Variants in MBNL1 observed in about 807,000 individuals in gnomAD.
The protein encoded by MBNL1 is muscleblind-like protein 1.
A neutral mutation model predicts 42.2 loss-of-function variants in MBNL1; 8 were observed. The observed-to-expected ratio is 0.19, with a 90% CI of 0.11 to 0.34. The LOEUF (loss-of-function observed/expected upper bound fraction) is 0.34, where lower values mean the gene tolerates loss of function less well. Among genes scored for constraint, MBNL1 ranks in the 10% least tolerant of loss-of-function variants. MBNL1 has a pLI of 1.00. For missense variants in MBNL1, 309 were observed against 495.3 expected (o/e 0.62, Z 3.57); for synonymous variants, 169 against 173.9 (o/e 0.97, Z 0.22).
intron 2 of MBNL1, among the ~76,000 whole-genome samples, chr3:152,379,032 T>C (rs189554394): frequency 6.6e-6 from 1 of 152,292 alleles, no homozygotes; most frequent in African/African-American, 2.4e-5. Context: ...TTAAAATGTA[T>C]GTTTGTAGTA....
At position 152,447,680 on chromosome 3, in the gene MBNL1, G is replaced by A. The variant is rs1712869168; in HGVS notation, c.868G>A (p.Gly290Ser). ...PKRPALEKTN[G>S]ATAVFNTGIF... Reference sequence around the variant, plus strand: ...GAGGCCTGCTCTTGAAAAAACCAACGGTGCCACCGCAGTCTTTAACACTGG... The same window carrying A: ...GAGGCCTGCTCTTGAAAAAACCAACAGTGCCACCGCAGTCTTTAACACTGG... The change falls in exon 6 of 10, where the codon GGT becomes AGT. Residue 290 changes from glycine (G) to serine (S), a missense_variant. By Grantham distance (56) the Gly-to-Ser change is moderately conservative (BLOSUM62 0). Coordinates refer to ENST00000324210, the MANE Select transcript of MBNL1 (RefSeq NM_021038.5). 3.1e-6 allele frequency: 5 copies of A among 1,613,096 alleles called. No individual in the cohort carries two copies. Among genetic ancestry groups the A allele is most frequent in the Non-Finnish European group, 3.4e-6 (4 of 1,179,394 alleles).
intron 2 of MBNL1, among the ~76,000 whole-genome samples, chr3:152,332,689 G>GTT (rs1156405828): frequency 5.7e-5 from 7 of 122,298 alleles, no homozygotes; most frequent in South Asian, 2.9e-4. Flanking sequence ...AGTTTTCATG[G>GTT]TTTTGTGTGT....
intron 2 of MBNL1, among the ~76,000 whole-genome samples, chr3:152,310,164 A>T (rs1265717380): frequency 2.0e-5 from 3 of 152,232 alleles, no homozygotes; most frequent in Non-Finnish European, 4.4e-5. Context: ...AGTCAGAATG[A>T]GTACACCACT....
intron 2 of MBNL1, among the ~76,000 whole-genome samples, chr3:152,306,609 G>GTTTGT (rs1296929219): frequency 1.3e-5 from 2 of 152,000 alleles, no homozygotes; most frequent in Admixed American, 1.3e-4. Flanking sequence ...TTGTATGTTT[G>GTTTGT]TTTGTTTTGT....
intron 1 of MBNL1, among the ~76,000 whole-genome samples, chr3:152,271,815 A>C (rs1015354135): frequency 6.6e-6 from 1 of 152,162 alleles, no homozygotes; most frequent in African/African-American, 2.4e-5. Flanking sequence ...GGAAATCTAG[A>C]ATGTGCTGTC....
chr3:152,310,143 G>A (rs958835234), intron 2 of MBNL1, among the ~76,000 whole-genome samples: 7 of 152,150 alleles, frequency 4.6e-5, no homozygotes, highest in South Asian at 4.1e-4. Flanking sequence ...AAGACTATAC[G>A]TGCTTGTATT....
chr3:152,376,781 T>TATGC (rs1553883801), intron 2 of MBNL1, among the ~76,000 whole-genome samples: 11 of 151,990 alleles, frequency 7.2e-5, no homozygotes, highest in Admixed American at 2.0e-4. Flanking sequence ...TCTATATATA[T>TATGC]ACGCACACAC....
At chr3:152,377,869 CTA>C (rs560991370) in intron 2 of MBNL1, among the ~76,000 whole-genome samples, 151 of 152,292 alleles carry the variant, frequency 9.9e-4, no homozygotes, top group African/African-American at 3.6e-3. Flanking sequence ...TTCTTGGAAA[CTA>C]TGACTTGACA....
rs1420398540 is a variant in MBNL1 at position 152,464,236 on chromosome 3, C to T, written c.*1870C>T. 1 of 151,584 alleles carries T rather than the reference C, an allele frequency of 6.6e-6. No individual in the cohort carries two copies. Among genetic ancestry groups the T allele is most frequent in the Non-Finnish European group, 1.5e-5 (1 of 67,734 alleles). 9.4% of individuals were successfully genotyped at this position (151,584 alleles called of 1,614,324 possible). On this transcript the variant is annotated 3_prime_UTR_variant, in exon 10 of 10. Transcript: ENST00000324210. ...TTTTACCAATGAATTTTTCAAAATA[C>T]AAAAAAAAGTAGTTTTTCCTTCATA...
chr3:152,303,898 A>G (rs1430316831), intron 2 of MBNL1, among the ~76,000 whole-genome samples: 1 of 152,166 alleles, frequency 6.6e-6, no homozygotes, highest in East Asian at 1.9e-4. Flanking sequence ...TTACCTTTGA[A>G]AACTTTAGTC....
intron 2 of MBNL1, among the ~76,000 whole-genome samples, chr3:152,381,579 C>A (rs924211622): frequency 6.6e-6 from 1 of 151,786 alleles, no homozygotes; most frequent in African/African-American, 2.4e-5. Context: ...TTAAAAAACT[C>A]ATTTTGGTAA....
At chr3:152,381,585 G>T (rs2097182432) in intron 2 of MBNL1, among the ~76,000 whole-genome samples, 2 of 151,338 alleles carry the variant, frequency 1.3e-5, no homozygotes, top group African/African-American at 2.4e-5. Flanking sequence ...AACTCATTTT[G>T]GTAATTATCT....
intron 2 of MBNL1, among the ~76,000 whole-genome samples, chr3:152,320,444 G>A (rs926457847): frequency 2.8e-4 from 42 of 152,204 alleles, no homozygotes; most frequent in African/African-American, 7.7e-4. Context: ...CAGCACATGG[G>A]GACCTAGTCA....
At chr3:152,410,542 G>A (rs1376306858) in intron 2 of MBNL1, among the ~76,000 whole-genome samples, 1 of 152,124 alleles carries the variant, frequency 6.6e-6, no homozygotes, top group Non-Finnish European at 1.5e-5. Flanking sequence ...GATGTCTTTG[G>A]AATCTTTGTT....
intron 3 of MBNL1, among the ~76,000 whole-genome samples, chr3:152,420,176 C>T (rs550208492): frequency 7.9e-4 from 120 of 152,284 alleles, no homozygotes; most frequent in African/African-American, 2.8e-3. Context: ...CGGCTGTGGG[C>T]GCAGCTTCAG....
chr3:152,344,739 GAA>G (rs1184151270), intron 2 of MBNL1, among the ~76,000 whole-genome samples: 1 of 152,134 alleles, frequency 6.6e-6, no homozygotes, highest in Non-Finnish European at 1.5e-5. Context: ...AATGTAGAGA[GAA>G]ATTATCACTT....
At chr3:152,370,278 G>A (rs1420057362) in intron 2 of MBNL1, among the ~76,000 whole-genome samples, 1 of 152,148 alleles carries the variant, frequency 6.6e-6, no homozygotes, top group Non-Finnish European at 1.5e-5. Flanking sequence ...TCATTCAGGA[G>A]CAGGTTGTTC....
At position 152,318,219 on chromosome 3, in the gene MBNL1, C is replaced by A. The variant is rs1438016719; in HGVS notation, c.174+17852C>A. Among the ~76,000 whole-genome samples, 3 of 152,218 alleles carry A rather than the reference C, an allele frequency of 2.0e-5. No individual in the cohort carries two copies. The East Asian group carries it at 5.8e-4, about 29-fold the overall frequency. On this transcript the variant is annotated intron_variant, in intron 2 of 9. Coordinates refer to ENST00000324210, the MANE Select transcript of MBNL1 (RefSeq NM_021038.5). The stretch of plus-strand genomic sequence containing the variant: ...AAAAATATTTTTCTTAGTGACTGTT[C>A]TAGAGAAAAACAGGTCACCGTTGGA...
chr3:152,364,865 T>C (rs1471317024), intron 2 of MBNL1, among the ~76,000 whole-genome samples: 1 of 149,666 alleles, frequency 6.7e-6, no homozygotes, highest in Non-Finnish European at 1.5e-5. Flanking sequence ...TTGTCCTGCT[T>C]TTTTTTTTTC....
Sources: gnomAD v4.1 joint callset for allele counts (sites outside exome capture counted in the v4.1 genomes callset) on GRCh38, gnomAD v4.1.1 for gene constraint, MANE v1.5 for transcripts, NCBI Gene and HGNC (gene_info 2026-07-23, HGNC 2026-07-21) for gene names.